The following ZFAND1 variants were observed in gnomAD, a reference collection of about 807,000 sequenced individuals.
The protein encoded by ZFAND1 is AN1-type zinc finger protein 1.
A neutral mutation model predicts 38.5 loss-of-function variants in ZFAND1; 40 were observed. That is an observed-to-expected ratio of 1.04 (90% confidence interval 0.81 to 1.35). The LOEUF (loss-of-function observed/expected upper bound fraction) is 1.35, where lower values mean the gene tolerates loss of function less well. Among genes scored for constraint, ZFAND1 ranks in the 40% most tolerant of loss-of-function variants. The pLI, the probability that ZFAND1 is intolerant of heterozygous loss-of-function variation, is 0.00. For synonymous variants in ZFAND1, 117 were observed against 103.6 expected (o/e 1.13, Z -0.78); for missense variants, 346 against 316.3 (o/e 1.09, Z -0.71).
chr8:81,713,916 A>T lies in ZFAND1; in HGVS notation c.480+2T>A, dbSNP rs1808218336. The T allele has an allele frequency of 6.2e-7, 1 of 1,612,916 alleles. No individual in the cohort carries two copies. The highest frequency in any genetic ancestry group is 2.2e-5 in the East Asian group (1 of 44,790). ...GTGTTTTAAAAAATCTCTAAGACCA[A>T]CCTGTGGTAATGACTTATCGCCATC... On this transcript the variant is annotated splice_donor_variant, in intron 6 of 7. Coordinates refer to ENST00000220669, the MANE Select transcript of ZFAND1 (RefSeq NM_024699.3). LOFTEE classifies it high-confidence loss of function.
chr8:81,719,578 G>T (rs866645293), intron 1 of ZFAND1, among the ~76,000 whole-genome samples: 1 of 152,028 alleles, frequency 6.6e-6, no homozygotes. Context: ...AATATTTTGC[G>T]ACTTTTAATA....
In ZFAND1 at chr8:81,714,903, C is replaced by A; in HGVS notation, c.267-8G>T. 6.2e-7 allele frequency: 1 copy of A among 1,614,010 alleles called. No homozygotes were observed. The highest frequency in any genetic ancestry group is 8.5e-7 in the Non-Finnish European group (1 of 1,179,914). Reference sequence around the variant, plus strand: ...TCTGACTGATGACGGTGTCTATGAGCAACAGAAGAGTGACACTAGTTCATG... The same window carrying A: ...TCTGACTGATGACGGTGTCTATGAGAAACAGAAGAGTGACACTAGTTCATG... On this transcript the variant is annotated splice_region_variant and splice_polypyrimidine_tract_variant and intron_variant, in intron 4 of 7. Coordinates refer to ENST00000220669, the MANE Select transcript of ZFAND1 (RefSeq NM_024699.3).
intron 6 of ZFAND1, 126 bp downstream of exon 6, chr8:81,713,792 C>A (rs961109379): frequency 2.2e-6 from 2 of 925,344 alleles, no homozygotes; most frequent in Non-Finnish European, 3.3e-6. Flanking sequence ...CAGACATATA[C>A]CATGCAACAT....
At chr8:81,720,258 T>C (rs1331439586) in intron 1 of ZFAND1, among the ~76,000 whole-genome samples, 2 of 152,266 alleles carry the variant, frequency 1.3e-5, no homozygotes, top group East Asian at 1.9e-4. Context: ...GTGTATGGCA[T>C]CCTGAAGCCA....
intron 6 of ZFAND1, among the ~76,000 whole-genome samples, chr8:81,712,110 C>T (rs7014686): frequency 0.52 from 79,287 of 151,734 alleles, 21,760 homozygotes; most frequent in South Asian, 0.62. Flanking sequence ...AAAAACTGAT[C>T]GATAAAATTT....
At chr8:81,710,772 A>G (rs1808117824) in intron 6 of ZFAND1, among the ~76,000 whole-genome samples, 1 of 152,238 alleles carries the variant, frequency 6.6e-6, no homozygotes, top group South Asian at 2.1e-4. Context: ...CATAAAGAAC[A>G]TATAACAATG....
intron 1 of ZFAND1, 32 bp downstream of exon 1, chr8:81,721,195 C>G (rs1489173797): frequency 1.3e-6 from 2 of 1,545,502 alleles, no homozygotes; most frequent in Admixed American, 2.0e-5. Flanking sequence ...TCTCCCGCGG[C>G]CGGGGATGGG....
intron 1 of ZFAND1, 98 bp downstream of exon 1, chr8:81,721,129 C>T: frequency 6.9e-7 from 1 of 1,452,296 alleles, no homozygotes; most frequent in Non-Finnish European, 9.3e-7. Context: ...CCTGCCCAGC[C>T]TTGTGGCCTC....
intron 6 of ZFAND1, among the ~76,000 whole-genome samples, chr8:81,708,536 A>G (rs1294673094): frequency 6.6e-6 from 1 of 151,716 alleles, no homozygotes; most frequent in Non-Finnish European, 1.5e-5. Context: ...AAAAATGATC[A>G]AAGCATACTC....
intron 1 of ZFAND1, 31 bp from the exon 2 acceptor site, chr8:81,718,255 C>T (rs1453681285): frequency 2.7e-6 from 4 of 1,484,070 alleles, no homozygotes; most frequent in Non-Finnish European, 3.6e-6. Context: ...ATATACTGGT[C>T]AGTATCTGAT....
In ZFAND1 at chr8:81,721,224, C is replaced by T. The variant is rs1222678923; in HGVS notation, c.55+3G>A. 4 of 1,548,100 alleles carry T rather than the reference C, an allele frequency of 2.6e-6. No individual in the cohort carries two copies. Among genetic ancestry groups the T allele is most frequent in the Admixed American group, 2.0e-5 (1 of 51,014 alleles). On this transcript the variant is annotated splice_donor_region_variant and intron_variant, in intron 1 of 7. Coordinates refer to ENST00000220669, the MANE Select transcript of ZFAND1 (RefSeq NM_024699.3). ...GGATGGGGGCTGGAAGCTCCCGGAT[C>T]ACCTCGCTGCCGGCAATGCTCCACC...
In ZFAND1 at chr8:81,717,353, A is replaced by G. The variant is rs1047707046; in HGVS notation, c.99-65T>C. ...TTAAAGATAACTGCAGAAATTTGCGATATTTTAATGTTCAGTATACTTAAG... is the reference window on the plus strand; with the variant it reads ...TTAAAGATAACTGCAGAAATTTGCGGTATTTTAATGTTCAGTATACTTAAG... On this transcript the variant is annotated intron_variant, in intron 2 of 7. Transcript: ENST00000220669. 5 of 1,316,058 alleles carry G rather than the reference A, an allele frequency of 3.8e-6. No homozygotes were observed. In the African/African-American group the frequency reaches 6.2e-5, roughly 16 times the overall value. The allele number at this position is 1,316,058 out of a possible 1,614,324, so 81.5% of individuals were successfully genotyped here. A position where few individuals can be genotyped will look rare whatever the true frequency, so the allele number is the denominator to read the frequency against.
At chr8:81,717,102 T>C (rs1808339204) in intron 3 of ZFAND1, 147 bp downstream of exon 3, 1 of 527,852 alleles carries the variant, frequency 1.9e-6, no homozygotes, top group Admixed American at 4.0e-5. Context: ...AAAAATAATA[T>C]AAATGAAGCA....
chr8:81,704,685 G>A (rs992686140), intron 6 of ZFAND1, among the ~76,000 whole-genome samples: 10 of 152,058 alleles, frequency 6.6e-5, no homozygotes, highest in Non-Finnish European at 1.3e-4. Flanking sequence ...GGCATAACAG[G>A]AGCATCTCTA....
chr8:81,711,977 T>G (rs1016717092), intron 6 of ZFAND1, among the ~76,000 whole-genome samples: 1 of 152,180 alleles, frequency 6.6e-6, no homozygotes. Flanking sequence ...AAGCATAATC[T>G]TGCTATTAAT....
chr8:81,703,556 G>A (rs1342575946), intron 6 of ZFAND1, among the ~76,000 whole-genome samples: 3 of 152,178 alleles, frequency 2.0e-5, no homozygotes, highest in Non-Finnish European at 2.9e-5. Flanking sequence ...CTGAGTAGCT[G>A]GGATTACAGG....
chr8:81,719,713 C>T (rs1176675125), intron 1 of ZFAND1, among the ~76,000 whole-genome samples: 1 of 152,140 alleles, frequency 6.6e-6, no homozygotes, highest in African/African-American at 2.4e-5. Context: ...ATACACTTGA[C>T]GTAGTCTAAA....
chr8:81,706,328 G>A (rs2130392420), intron 6 of ZFAND1, among the ~76,000 whole-genome samples: 1 of 100,034 alleles, frequency 1.0e-5, no homozygotes, highest in African/African-American at 3.8e-5. Flanking sequence ...GCTAAAGAAT[G>A]TACTTTAGTA....
At chr8:81,718,703 ATG>A (rs1343142099) in intron 1 of ZFAND1, among the ~76,000 whole-genome samples, 9 of 148,998 alleles carry the variant, frequency 6.0e-5, no homozygotes, top group Middle Eastern at 3.2e-3. Context: ...ACTAATATAT[ATG>A]TGTGTGAACA....
Sources: allele counts gnomAD v4.1 joint callset (sites outside exome capture counted in the v4.1 genomes callset), GRCh38; gene constraint gnomAD v4.1.1; transcripts MANE v1.5; gene names NCBI Gene and HGNC (gene_info 2026-07-23, HGNC 2026-07-21).